The following SNTG1 variants were observed in gnomAD, a reference collection of about 807,000 sequenced individuals.
The protein encoded by SNTG1 is gamma-1-syntrophin.
A neutral mutation model predicts 74.7 loss-of-function variants in SNTG1; 39 were observed. That is an observed-to-expected ratio of 0.52 (90% CI 0.40 to 0.68). The LOEUF is 0.68. SNTG1 is among the 30% of genes least tolerant of loss of function. SNTG1 has a pLI of 0.00. For synonymous variants in SNTG1, 254 were observed against 217.1 expected, an observed-to-expected ratio of 1.17 and a Z score of -1.49; for missense variants, 685 against 609.5, an observed-to-expected ratio of 1.12 and a Z score of -1.30.
chr8:50,185,946 T>C (rs886573519), intron 2 of SNTG1, among the ~76,000 whole-genome samples: 36 of 152,134 alleles, frequency 2.4e-4, no homozygotes, highest in Non-Finnish European at 4.9e-4. Context: ...ACACGTCATC[T>C]AGGTTTTAAG....
At chr8:50,723,884 G>C (rs1243931951) in intron 17 of SNTG1, among the ~76,000 whole-genome samples, 1 of 152,124 alleles carries the variant, frequency 6.6e-6, no homozygotes, top group African/African-American at 2.4e-5. Flanking sequence ...AATATTTGTA[G>C]TGAGACCATA....
intron 8 of SNTG1, among the ~76,000 whole-genome samples, chr8:50,472,506 A>G (rs1032428423): frequency 2.0e-5 from 3 of 152,152 alleles, no homozygotes; most frequent in South Asian, 2.1e-4. Flanking sequence ...GCATCATACC[A>G]TATAAAAATT....
At chr8:50,453,203 G>T (rs1405836629) in intron 8 of SNTG1, among the ~76,000 whole-genome samples, 3 of 152,158 alleles carry the variant, frequency 2.0e-5, no homozygotes, top group African/African-American at 7.2e-5. Flanking sequence ...TATAGAAGGG[G>T]GATTTTACAT....
intron 2 of SNTG1, among the ~76,000 whole-genome samples, chr8:50,312,580 G>A (rs1563881966): frequency 6.7e-6 from 1 of 149,856 alleles, no homozygotes; most frequent in Non-Finnish European, 1.5e-5. Flanking sequence ...TCACTCAGTA[G>A]CCAAGGGTTT....
Position 50,640,513 on chromosome 8 carries a change from A to G in SNTG1, c.850-16396A>G, listed in dbSNP as rs112659961. 8.1e-4 allele frequency among the ~76,000 whole-genome samples: 123 copies of G among 152,222 alleles called. 1 individual carries two copies. The highest frequency in any genetic ancestry group is 2.5e-3 in the African/African-American group (104 of 41,524). On this transcript the variant is annotated intron_variant, in intron 13 of 18. Coordinates refer to ENST00000642720, the MANE Select transcript of SNTG1 (RefSeq NM_018967.5). ...TGGATAGGTATTCTTCTTGCTCCTC[A>G]GTCTTTTCTTCATGCCTTCATCACA... is the stretch of plus-strand genomic sequence containing the variant.
chr8:50,507,431 T>G (rs1293431243), intron 9 of SNTG1, among the ~76,000 whole-genome samples: 4 of 152,120 alleles, frequency 2.6e-5, no homozygotes, highest in Non-Finnish European at 5.9e-5. Context: ...TTGGTAAAGT[T>G]CTACAGTAAA....
chr8:50,609,954 G>GC (rs2094838660), intron 13 of SNTG1, among the ~76,000 whole-genome samples: 1 of 152,038 alleles, frequency 6.6e-6, no homozygotes, highest in South Asian at 2.1e-4. Flanking sequence ...AACAAAACTT[G>GC]TTTTTTCATC....
chr8:50,441,862 A>T (rs958680448), intron 5 of SNTG1, among the ~76,000 whole-genome samples: 2 of 152,204 alleles, frequency 1.3e-5, no homozygotes, highest in African/African-American at 4.8e-5. Flanking sequence ...TTACTGATTT[A>T]TCTTCATGGA....
At chr8:49,910,685 G>A (rs1805533023), upstream of SNTG1, among the ~76,000 whole-genome samples, 1 of 152,228 alleles carries the variant, frequency 6.6e-6, no homozygotes, top group East Asian at 1.9e-4. Context: ...TGCAAGGCCC[G>A]GGAGAGCGCG....
chr8:50,218,879 G>T (rs2084921112), intron 2 of SNTG1, among the ~76,000 whole-genome samples: 1 of 152,172 alleles, frequency 6.6e-6, no homozygotes, highest in Non-Finnish European at 1.5e-5. Context: ...AATTGGACAG[G>T]CACTGAAGCC....
rs529464098 is a variant in SNTG1 at position 50,088,107 on chromosome 8, G to A, written c.-102-84454G>A. 7.3e-5 allele frequency among the ~76,000 whole-genome samples: 11 copies of A among 150,538 alleles called. No individual in the cohort carries two copies. The South Asian group carries it at 8.4e-4, about 12-fold the overall frequency. On this transcript the variant is annotated intron_variant, in intron 1 of 18. Coordinates refer to ENST00000642720, the MANE Select transcript of SNTG1 (RefSeq NM_018967.5). ...TCATCCATGTCCCTACAAAGGACAC[G>A]AACTCATCATTTTTTATGGCTGCAT...
intron 18 of SNTG1, among the ~76,000 whole-genome samples, chr8:50,790,669 G>T (rs58830636): frequency 0.02 from 3,021 of 151,900 alleles, 97 homozygotes; most frequent in African/African-American, 0.065. Flanking sequence ...GTCAAACTTG[G>T]ATCCATCTTG....
At chr8:49,925,814 T>G (rs1207217483) in intron 1 of SNTG1, among the ~76,000 whole-genome samples, 1 of 152,230 alleles carries the variant, frequency 6.6e-6, no homozygotes, top group Non-Finnish European at 1.5e-5. Flanking sequence ...TTTTCCAATC[T>G]GTTTGCTCAT....
intron 2 of SNTG1, among the ~76,000 whole-genome samples, chr8:50,202,447 C>T (rs569665717): frequency 6.6e-6 from 1 of 152,040 alleles, no homozygotes; most frequent in Non-Finnish European, 1.5e-5. Context: ...TGAAAGCATA[C>T]AGTATGTAGT....
At chr8:50,028,248 T>A (rs1273414068) in intron 1 of SNTG1, among the ~76,000 whole-genome samples, 1 of 152,190 alleles carries the variant, frequency 6.6e-6, no homozygotes, top group Non-Finnish European at 1.5e-5. Context: ...CATATTCAGC[T>A]TAATGACCTT....
chr8:50,424,197 G>A (rs2093132993), intron 4 of SNTG1, among the ~76,000 whole-genome samples: 1 of 152,126 alleles, frequency 6.6e-6, no homozygotes, highest in African/African-American at 2.4e-5. Flanking sequence ...TGGAGAGATA[G>A]CGATATGTGC....
At chr8:50,665,017 C>A (rs1379062859) in intron 15 of SNTG1, among the ~76,000 whole-genome samples, 1 of 152,104 alleles carries the variant, frequency 6.6e-6, no homozygotes, top group African/African-American at 2.4e-5. Flanking sequence ...CTTTGGATGA[C>A]AGAGATTATT....
chr8:50,025,466 A>C (rs1184245722), intron 1 of SNTG1, among the ~76,000 whole-genome samples: 2 of 152,180 alleles, frequency 1.3e-5, no homozygotes, highest in African/African-American at 4.8e-5. Context: ...AGATGATGTG[A>C]TAGCCACCAG....
At chr8:49,987,214 TAA>T (rs1197085335) in intron 1 of SNTG1, among the ~76,000 whole-genome samples, 3 of 152,076 alleles carry the variant, frequency 2.0e-5, no homozygotes. Flanking sequence ...ACAATATATA[TAA>T]GAGTGTCAAA....
Sources: allele counts gnomAD v4.1 joint callset (sites outside exome capture counted in the v4.1 genomes callset), GRCh38; gene constraint gnomAD v4.1.1; transcripts MANE v1.5; gene names NCBI Gene and HGNC (gene_info 2026-07-23, HGNC 2026-07-21).